WDFY4: variants seen among roughly 807,000 people sequenced by gnomAD.
The protein encoded by WDFY4 is WDFY family member 4, also known as WD repeat- and FYVE domain-containing protein 4.
Under a neutral mutation model 351.9 loss-of-function variants are expected in WDFY4, and 169 were observed. The ratio of observed to expected loss-of-function variants is 0.48; its 90% CI spans 0.42 to 0.55. WDFY4 has a LOEUF of 0.55. WDFY4 is among the 20% of genes least tolerant of loss of function. WDFY4 has a pLI of 0.00. For missense variants in WDFY4, 3,803 were observed against 3,935.6 expected (o/e 0.97, Z 0.90); for synonymous variants, 1,622 against 1,574.6 (o/e 1.03, Z -0.71).
At chr10:48,942,492 G>C (rs1377641798) in intron 48 of WDFY4, among the ~76,000 whole-genome samples, 1 of 152,196 alleles carries the variant, frequency 6.6e-6, no homozygotes. Context: ...AGCCACATAG[G>C]GGGCAGAGCA....
chr10:48,816,373 T>G (rs575089676), intron 31 of WDFY4, among the ~76,000 whole-genome samples: 3 of 152,350 alleles, frequency 2.0e-5, no homozygotes, highest in Admixed American at 6.5e-5. Context: ...TGTTATGTTC[T>G]GGAATTTCTG....
chr10:48,922,479 A>C (rs1016418526), intron 47 of WDFY4, among the ~76,000 whole-genome samples: 1 of 152,254 alleles, frequency 6.6e-6, no homozygotes, highest in African/African-American at 2.4e-5. Flanking sequence ...CATCTACAGC[A>C]AGAATGAATC....
intron 23 of WDFY4, among the ~76,000 whole-genome samples, chr10:48,795,594 C>T (rs967285208): frequency 5.4e-5 from 8 of 148,326 alleles, no homozygotes; most frequent in East Asian, 2.0e-4. Flanking sequence ...ACAAGGCTTC[C>T]GAAGGGCACG....
At chr10:48,899,531 C>T (rs1164259696) in intron 45 of WDFY4, among the ~76,000 whole-genome samples, 2 of 152,122 alleles carry the variant, frequency 1.3e-5, no homozygotes, top group Admixed American at 6.5e-5. Flanking sequence ...CTAACTCTCC[C>T]TTCAGCCCTG....
chr10:48,897,478 C>G lies in WDFY4; in HGVS notation c.7341C>G (p.Asn2447Lys). The G allele has an allele frequency of 6.4e-7, 1 of 1,551,740 alleles. No individual in the cohort carries two copies. Among genetic ancestry groups the G allele is most frequent in the African/African-American group, 1.4e-5 (1 of 73,194 alleles). ...LSNISDPFIF[N>K]LCSKDRSTDH... ...GCATCAGCGATCCGTTCATTTTCAA[C>G]CTGTGCAGCAAAGACAGGTCCACTG... The change falls in exon 45 of 62, where the codon AAC becomes AAG. Residue 2447 changes from asparagine to lysine, a missense_variant. Around this residue, in one of 3 missense-constraint regions of WDFY4, gnomAD observed 3,054 missense variants for 3,148.6 expected, o/e 0.97. Transcript: ENST00000325239.
chr10:48,894,865 C>G lies in WDFY4; in HGVS notation c.7317-2589C>G, dbSNP rs577024220. ...TAGGAAGGAGAATTGTCTCTGTGGC[C>G]TTACTGGGAGTCAGAGATGTGTAGG... On this transcript the variant is annotated intron_variant, in intron 44 of 61. Transcript: ENST00000325239. Among the ~76,000 whole-genome samples the G allele has an allele frequency of 2.1e-3, 321 of 152,278 alleles. 1 individual carries two copies. The highest frequency in any genetic ancestry group is 3.5e-3 in the Non-Finnish European group (239 of 68,028).
rs115797103 is a variant in WDFY4 at position 48,718,243 on chromosome 10, A to G, written c.235-1768A>G. Among the ~76,000 whole-genome samples the G allele has an allele frequency of 8.4e-3, 1,284 of 151,990 alleles. 24 individuals carry two copies. Among genetic ancestry groups the G allele is most frequent in the African/African-American group, 0.029 (1,190 of 41,422 alleles). Reference sequence around the variant, plus strand: ...TGCTTTTTTCTCGTCTATTTTTAGGAGTCTGGATACTAATCCTCTGTCAGT... The same window carrying G: ...TGCTTTTTTCTCGTCTATTTTTAGGGGTCTGGATACTAATCCTCTGTCAGT... On this transcript the variant is annotated intron_variant, in intron 2 of 61. Coordinates refer to ENST00000325239, the MANE Select transcript of WDFY4 (RefSeq NM_001394531.1).
chr10:48,907,772 T>C (rs960230532), intron 47 of WDFY4, among the ~76,000 whole-genome samples: 5 of 152,166 alleles, frequency 3.3e-5, no homozygotes, highest in South Asian at 4.1e-4. Flanking sequence ...AATGCTTAAC[T>C]AGTAAAGGTA....
Position 48,776,769 on chromosome 10 carries a change from C to A in WDFY4, c.2883C>A (p.Gly961=). 1 of 1,549,072 alleles carries A rather than the reference C, an allele frequency of 6.5e-7. No individual in the cohort carries two copies. The highest frequency in any genetic ancestry group is 8.7e-7 in the Non-Finnish European group (1 of 1,146,106). The change falls in exon 16 of 62, where the codon GGC becomes GGA. Residue 961 remains glycine (G), a synonymous_variant. Coordinates refer to ENST00000325239, the MANE Select transcript of WDFY4 (RefSeq NM_001394531.1). The part of the protein sequence containing the change: ...PGCSGSQTAQ[G]LAEGPWPAAP... Reference sequence around the variant, plus strand: ...CCCTAGGGTCACAGACTGCACAGGGCTTGGCTGAGGGGCCCTGGCCAGCTG... The same window carrying A: ...CCCTAGGGTCACAGACTGCACAGGGATTGGCTGAGGGGCCCTGGCCAGCTG...
At position 48,816,814 on chromosome 10, in the gene WDFY4, A is replaced by G. The variant is rs35717539; in HGVS notation, c.5341-431A>G. Reference sequence around the variant, plus strand: ...AAAGATGTGAATTTTAGACTTGGTGAAAAACAAGACTCAGACTTCTAAGAT... The same window carrying G: ...AAAGATGTGAATTTTAGACTTGGTGGAAAACAAGACTCAGACTTCTAAGAT... On this transcript the variant is annotated intron_variant, in intron 31 of 61. Coordinates refer to ENST00000325239, the MANE Select transcript of WDFY4 (RefSeq NM_001394531.1). Among the ~76,000 whole-genome samples the G allele has an allele frequency of 7.2e-3, 1,097 of 152,340 alleles. 31 individuals are homozygous for G. Among genetic ancestry groups the G allele is most frequent in the Admixed American group, 0.042 (649 of 15,300 alleles).
At chr10:48,890,958 C>A (rs183906147) in intron 44 of WDFY4, among the ~76,000 whole-genome samples, 89 of 152,340 alleles carry the variant, frequency 5.8e-4, no homozygotes, top group Non-Finnish European at 1.0e-3. Context: ...CACATCTCCC[C>A]TAATGTGGAA....
intron 20 of WDFY4, among the ~76,000 whole-genome samples, chr10:48,787,953 T>C (rs373685148): frequency 1.2e-3 from 115 of 93,546 alleles, no homozygotes; most frequent in East Asian, 7.8e-3. Context: ...TTCTTCTTCT[T>C]CTTCTTCTTC....
Position 48,858,741 on chromosome 10 carries a change from G to A in WDFY4, c.6664-8524G>A, listed in dbSNP as rs778246369. ...GGAAACTCGTCTGTATCTAGAAAAAGCCTTGCTGGTATTTTAATAAGAATT... is the reference window on the plus strand; with the variant it reads ...GGAAACTCGTCTGTATCTAGAAAAAACCTTGCTGGTATTTTAATAAGAATT... On this transcript the variant is annotated intron_variant, in intron 39 of 61. Transcript: ENST00000325239. Among the ~76,000 whole-genome samples, 3 of 152,220 alleles carry A rather than the reference G, an allele frequency of 2.0e-5. No homozygotes were observed. In the East Asian group the frequency reaches 5.8e-4, roughly 29 times the overall value.
chr10:48,826,160 G>T (rs546645841), intron 35 of WDFY4, among the ~76,000 whole-genome samples: 1 of 152,206 alleles, frequency 6.6e-6, no homozygotes, highest in Admixed American at 6.5e-5. Context: ...GTCCAGTTTC[G>T]ATTTTCTGTG....
At chr10:48,831,787 T>C (rs1217761799) in intron 38 of WDFY4, among the ~76,000 whole-genome samples, 1 of 152,226 alleles carries the variant, frequency 6.6e-6, no homozygotes, top group Non-Finnish European at 1.5e-5. Flanking sequence ...GATGGTACCT[T>C]GTTGCTATAT....
chr10:48,806,141 G>T (rs180831392), intron 27 of WDFY4, 46 bp downstream of exon 27: 20 of 1,535,084 alleles, frequency 1.3e-5, no homozygotes, highest in Non-Finnish European at 1.8e-5. Context: ...CGGCCCTCAC[G>T]GAACCCCTGA....
At chr10:48,726,298 C>T (rs1565133761) in intron 6 of WDFY4, among the ~76,000 whole-genome samples, 1 of 152,160 alleles carries the variant, frequency 6.6e-6, no homozygotes, top group African/African-American at 2.4e-5. Flanking sequence ...TTTTGCTGCT[C>T]CATTGGAGAA....
intron 35 of WDFY4, chr10:48,823,779 G>A (rs891791448): frequency 5.2e-5 from 51 of 989,400 alleles, no homozygotes; most frequent in African/African-American, 1.4e-4. Flanking sequence ...CTGAGGGCTC[G>A]GCTCCCCACA....
chr10:48,711,395 G>A (rs536471677), intron 2 of WDFY4, among the ~76,000 whole-genome samples: 9 of 152,248 alleles, frequency 5.9e-5, no homozygotes, highest in Non-Finnish European at 7.4e-5. Context: ...TGGGAGGTGC[G>A]ACAGTCTTAC....
Sources: gnomAD v4.1 joint callset for allele counts (sites outside exome capture counted in the v4.1 genomes callset) on GRCh38, gnomAD v4.1.1 for gene constraint, gnomAD v4.1.1 regional missense constraint, MANE v1.5 for transcripts, NCBI Gene and HGNC (gene_info 2026-07-23, HGNC 2026-07-21) for gene names.